The following APBA2 variants were observed in gnomAD, a reference collection of about 807,000 sequenced individuals.
APBA2 encodes amyloid beta precursor protein binding family A member 2.
Under a neutral mutation model 75.0 loss-of-function variants are expected in APBA2, and 30 were observed. That is an observed-to-expected ratio of 0.40 (90% CI 0.30 to 0.54). The LOEUF is 0.54. APBA2 is among the 20% of genes least tolerant of loss of function. The pLI, the probability that APBA2 is intolerant of heterozygous loss-of-function variation, is 0.49. For synonymous variants in APBA2, 444 were observed against 409.6 expected (o/e 1.08, Z -1.01); for missense variants, 801 against 1,016.1 (o/e 0.79, Z 2.88).
intron 1 of APBA2, among the ~76,000 whole-genome samples, chr15:28,913,651 G>A (rs1566793147): frequency 6.6e-6 from 1 of 152,204 alleles, no homozygotes; most frequent in African/African-American, 2.4e-5. Flanking sequence ...GGATGTGCTG[G>A]TGCTGGCTTA....
intron 6 of APBA2, among the ~76,000 whole-genome samples, chr15:29,086,918 C>A (rs796216566): frequency 5.9e-5 from 9 of 152,244 alleles, no homozygotes; most frequent in African/African-American, 2.2e-4. Flanking sequence ...CCCTATTTAT[C>A]CCCCCACCTC....
intron 2 of APBA2, among the ~76,000 whole-genome samples, chr15:28,927,639 C>T (rs182874260): frequency 1.3e-4 from 19 of 151,352 alleles, no homozygotes; most frequent in Admixed American, 3.9e-4. Context: ...GTTGCCCAGG[C>T]TGATCTTCAA....
rs2043048800 is a variant in APBA2, at chr15:29,080,677, T to TTAGA, written c.1069+4586_1069+4587insTAGA. Among the ~76,000 whole-genome samples the TTAGA allele has an allele frequency of 3.3e-5, 5 of 152,180 alleles. No homozygotes were observed. In the South Asian group the frequency reaches 1.0e-3, roughly 32 times the overall value. On this transcript the variant is annotated intron_variant, in intron 6 of 14. Transcript: ENST00000683413. ...GTCCCCTCCTACAGGACGTGGTGTCTGGCAGCAGCTTGAGCCCAAGCTGCT... is the reference window on the plus strand; with the variant it reads ...GTCCCCTCCTACAGGACGTGGTGTCTTAGAGGCAGCAGCTTGAGCCCAAGCTGCT...
intron 3 of APBA2, among the ~76,000 whole-genome samples, chr15:29,015,568 G>C (rs2039617399): frequency 6.6e-6 from 1 of 152,192 alleles, no homozygotes; most frequent in Non-Finnish European, 1.5e-5. Flanking sequence ...ATTGTTAGTG[G>C]AGAACTTATT....
At chr15:29,012,382 T>G (rs147790348) in intron 3 of APBA2, among the ~76,000 whole-genome samples, 153 of 152,322 alleles carry the variant, frequency 1.0e-3, no homozygotes, top group African/African-American at 3.6e-3. Context: ...CATGGTTCAA[T>G]AGGGGCTATG....
At chr15:28,946,116 T>C (rs1403955092) in intron 2 of APBA2, among the ~76,000 whole-genome samples, 1 of 152,220 alleles carries the variant, frequency 6.6e-6, no homozygotes, top group Non-Finnish European at 1.5e-5. Flanking sequence ...TTGTTGCAGA[T>C]AGGATTCCAA....
chr15:28,998,384 T>C (rs887596988), intron 3 of APBA2, among the ~76,000 whole-genome samples: 2 of 152,138 alleles, frequency 1.3e-5, no homozygotes, highest in Non-Finnish European at 2.9e-5. Context: ...GAACATATAT[T>C]AAGTTAGAAG....
chr15:29,092,828 GTCC>G (rs2152951589), intron 6 of APBA2, among the ~76,000 whole-genome samples: 1 of 152,320 alleles, frequency 6.6e-6, no homozygotes, highest in East Asian at 1.9e-4. Flanking sequence ...TGCTGGCATT[GTCC>G]TCCTGACACT....
At chr15:28,963,649 A>G (rs982218991) in intron 2 of APBA2, among the ~76,000 whole-genome samples, 1 of 152,228 alleles carries the variant, frequency 6.6e-6, no homozygotes, top group Non-Finnish European at 1.5e-5. Flanking sequence ...GGCTTGTTTT[A>G]GAATATAAAT....
intron 2 of APBA2, among the ~76,000 whole-genome samples, chr15:28,979,241 A>T (rs2037498288): frequency 6.6e-6 from 1 of 151,268 alleles, no homozygotes. Context: ...GGGCCCTACC[A>T]CCAAGCCCTC....
In APBA2 at chr15:29,054,664, C is replaced by G. The variant is rs1461864881; in HGVS notation, c.780C>G (p.Asp260Glu). Residue 260 changes from aspartate (D) to glutamate (E), a missense_variant, in exon 4 of 15, where the codon GAC becomes GAG. Asp to Glu is a conservative substitution (Grantham distance 45). Transcript: ENST00000683413. The surrounding 1 kb of genome is among the most constrained non-coding windows in gnomAD (Gnocchi z 6.1). ...PEHGPEPGPE[D>E]SVEACPPIKA... Reference sequence around the variant, plus strand: ...ATGGGCCTGAGCCAGGGCCTGAGGACTCTGTAGAGGCCTGCCCACCCATCA... The same window carrying G: ...ATGGGCCTGAGCCAGGGCCTGAGGAGTCTGTAGAGGCCTGCCCACCCATCA... The G allele has an allele frequency of 6.2e-7, 1 of 1,614,136 alleles. No individual in the cohort carries two copies. Among genetic ancestry groups the G allele is most frequent in the East Asian group, 2.2e-5 (1 of 44,860 alleles).
intron 3 of APBA2, among the ~76,000 whole-genome samples, chr15:29,048,806 G>A (rs1290687084): frequency 1.3e-5 from 2 of 151,778 alleles, no homozygotes; most frequent in Non-Finnish European, 2.9e-5. Flanking sequence ...GGGCGTGGTG[G>A]TGCGCACCTA....
chr15:28,935,695 G>A (rs1433465413), intron 2 of APBA2, among the ~76,000 whole-genome samples: 1 of 152,218 alleles, frequency 6.6e-6, no homozygotes, highest in Non-Finnish European at 1.5e-5. Flanking sequence ...TCCAAGGCCA[G>A]GTCTGCATGA....
At chr15:28,992,211 C>T (rs2038271124) in intron 2 of APBA2, among the ~76,000 whole-genome samples, 1 of 152,180 alleles carries the variant, frequency 6.6e-6, no homozygotes, top group African/African-American at 2.4e-5. Flanking sequence ...AAGCGGCTTC[C>T]TGTCTCGGGC....
chr15:28,922,824 G>A (rs1331489380), intron 2 of APBA2, among the ~76,000 whole-genome samples: 1 of 152,314 alleles, frequency 6.6e-6, no homozygotes, highest in East Asian at 1.9e-4. Context: ...GGTATTCGGT[G>A]AGACCTTAGA....
chr15:29,118,305 C>T lies in APBA2; in HGVS notation c.*1172C>T, dbSNP rs1200462248. On this transcript the variant is annotated 3_prime_UTR_variant, in exon 15 of 15. Transcript: ENST00000683413. Reference sequence around the variant, plus strand: ...CGCATATCACTAATAAACCTGAAGTCGTGATGAAAAGCCGTGTGTGTGACT... The same window carrying T: ...CGCATATCACTAATAAACCTGAAGTTGTGATGAAAAGCCGTGTGTGTGACT... The T allele has an allele frequency of 6.6e-6, 1 of 152,426 alleles. No homozygotes were observed. The highest frequency in any genetic ancestry group is 1.5e-5 in the Non-Finnish European group (1 of 68,048). 9.4% of individuals were successfully genotyped at this position (152,426 alleles called of 1,614,324 possible). A position where few individuals can be genotyped will look rare whatever the true frequency, so the allele number is the denominator to read the frequency against.
chr15:28,987,404 G>A (rs2037978760), intron 2 of APBA2, among the ~76,000 whole-genome samples: 1 of 152,070 alleles, frequency 6.6e-6, no homozygotes, highest in African/African-American at 2.4e-5. Context: ...TGGGGCAGGA[G>A]GATCCACGTC....
intron 2 of APBA2, among the ~76,000 whole-genome samples, chr15:28,963,161 G>T (rs1182627704): frequency 3.3e-5 from 5 of 152,186 alleles, no homozygotes; most frequent in South Asian, 2.1e-4. Flanking sequence ...ATATTTTAAA[G>T]AATATTTTTC....
chr15:29,048,312 C>T (rs2041438984), intron 3 of APBA2, among the ~76,000 whole-genome samples: 1 of 152,130 alleles, frequency 6.6e-6, no homozygotes, highest in African/African-American at 2.4e-5. Context: ...CGTGCTACTG[C>T]ACTTTAGCCT....
Sources: gnomAD v4.1 joint callset for allele counts (sites outside exome capture counted in the v4.1 genomes callset) on GRCh38, gnomAD v4.1.1 for gene constraint, Gnocchi (gnomAD v3.1) non-coding constraint, MANE v1.5 for transcripts, NCBI Gene and HGNC (gene_info 2026-07-23, HGNC 2026-07-21) for gene names.